The following EPC2 variants were observed in gnomAD, a reference collection of about 807,000 sequenced individuals.
The protein encoded by EPC2 is enhancer of polycomb homolog 2.
In EPC2, 14 loss-of-function variants were observed where a neutral mutation model predicts 92.1. That is an observed-to-expected ratio of 0.15 (90% confidence interval 0.10 to 0.24). EPC2 has a LOEUF of 0.24. Among genes scored for constraint, EPC2 ranks in the 10% least tolerant of loss-of-function variants. The probability of loss-of-function intolerance (pLI) is 1.00; values close to 1 mark genes in which losing one functional copy is unlikely to be tolerated. For synonymous variants in EPC2, 340 were observed against 334.7 expected (o/e 1.02, Z -0.17); for missense variants, 755 against 971.5 (o/e 0.78, Z 2.96).
At chr2:148,686,929 C>A (rs1337306842) in intron 1 of EPC2, among the ~76,000 whole-genome samples, 1 of 152,060 alleles carries the variant, frequency 6.6e-6, no homozygotes, top group Non-Finnish European at 1.5e-5. Flanking sequence ...CTGATTAGCC[C>A]CTAACAAGAG....
intron 5 of EPC2, 75 bp downstream of exon 5, chr2:148,762,005 A>AG: frequency 1.6e-6 from 2 of 1,239,428 alleles, no homozygotes; most frequent in Non-Finnish European, 1.1e-6. Flanking sequence ...AAAGATTTTT[A>AG]GGGGGGAACA....
intron 2 of EPC2, among the ~76,000 whole-genome samples, chr2:148,723,802 C>T (rs1415467586): frequency 6.6e-6 from 1 of 151,976 alleles, no homozygotes; most frequent in African/African-American, 2.4e-5. Context: ...GGTTGATATA[C>T]TTAAATTTCT....
At chr2:148,762,614 C>A in intron 5 of EPC2, 56 bp from the exon 6 acceptor site, 1 of 1,307,838 alleles carries the variant, frequency 7.6e-7, no homozygotes. Context: ...CACTTATTTT[C>A]CTTCTTTATT....
chr2:148,666,542 G>GAAA (rs1273052548), intron 1 of EPC2, among the ~76,000 whole-genome samples: 1 of 152,192 alleles, frequency 6.6e-6, no homozygotes, highest in Non-Finnish European at 1.5e-5. Flanking sequence ...GAAAATACAA[G>GAAA]TTCACACTTT....
At chr2:148,763,388 T>A (rs554428791) in intron 6 of EPC2, among the ~76,000 whole-genome samples, 2 of 152,270 alleles carry the variant, frequency 1.3e-5, no homozygotes, top group South Asian at 4.1e-4. Flanking sequence ...TATTTGGTCC[T>A]CACTTGGTAC....
intron 2 of EPC2, among the ~76,000 whole-genome samples, chr2:148,724,511 G>A (rs1296715079): frequency 6.6e-6 from 1 of 152,036 alleles, no homozygotes; most frequent in Admixed American, 6.6e-5. Context: ...TCACCTCAAT[G>A]AAAGCAAAAT....
Position 148,766,449 on chromosome 2 carries a change from T to C in EPC2, c.1140+1303T>C, listed in dbSNP as rs558701006. Among the ~76,000 whole-genome samples the C allele has an allele frequency of 5.3e-5, 8 of 152,368 alleles. No homozygotes were observed. The South Asian group carries it at 1.7e-3, about 32-fold the overall frequency. On this transcript the variant is annotated intron_variant, in intron 7 of 13. Coordinates refer to ENST00000258484, the MANE Select transcript of EPC2 (RefSeq NM_015630.4). ...AAGATATGCTTAATTTTATATTCCCTTCAGGAGCACTTAATGAACCCATAT... is the reference window on the plus strand; with the variant it reads ...AAGATATGCTTAATTTTATATTCCCCTCAGGAGCACTTAATGAACCCATAT...
rs750824217 is a variant in EPC2, at chr2:148,771,221, C to T, written c.1554C>T (p.Ser518=). The part of the protein sequence containing the change: ...ENRLSLSEIL[S]NIRSCRLQCF... ...GACTGTCTCTTTCTGAAATATTAAG[C>T]AATATCAGATCATGTCGACTACAGT... is the stretch of plus-strand genomic sequence containing the variant. Residue 518 remains serine, a synonymous_variant, in exon 10 of 14, where the codon AGC becomes AGT. Transcript: ENST00000258484. 12 of 1,613,756 alleles carry T rather than the reference C, an allele frequency of 7.4e-6. No homozygotes were observed. The African/African-American group carries it at 9.3e-5, about 13-fold the overall frequency.
intron 7 of EPC2, 39 bp downstream of exon 7, chr2:148,765,185 GT>G (rs1184847081): frequency 7.2e-7 from 1 of 1,384,582 alleles, no homozygotes; most frequent in African/African-American, 1.5e-5. Context: ...TTTCTTCTTA[GT>G]ATTTTATATT....
intron 1 of EPC2, among the ~76,000 whole-genome samples, chr2:148,646,579 C>CT (rs907284913): frequency 3.1e-4 from 40 of 130,414 alleles, no homozygotes; most frequent in East Asian, 4.6e-4. Context: ...GCTGTGAGAA[C>CT]TTTTTTTTTT....
At chr2:148,694,768 C>A (rs936680000) in intron 2 of EPC2, among the ~76,000 whole-genome samples, 2 of 152,104 alleles carry the variant, frequency 1.3e-5, no homozygotes, top group Non-Finnish European at 2.9e-5. Context: ...TTCTCCTCCC[C>A]CCGCCCAAAC....
chr2:148,762,538 T>A (rs1574628860), intron 5 of EPC2, 132 bp from the exon 6 acceptor site: 2 of 688,810 alleles, frequency 2.9e-6, no homozygotes, highest in East Asian at 6.2e-5. Flanking sequence ...CTGCAAATTT[T>A]ATCTTTTAAA....
intron 2 of EPC2, among the ~76,000 whole-genome samples, chr2:148,723,480 G>T (rs1468189711): frequency 6.6e-6 from 1 of 152,130 alleles, no homozygotes; most frequent in Admixed American, 6.5e-5. Flanking sequence ...TTTCAGGAGG[G>T]TTTCTGCTAG....
rs1681616578 is a variant in EPC2, at chr2:148,690,273, T to C, written c.213T>C (p.Ser71=). 11 of 1,611,372 alleles carry C rather than the reference T, an allele frequency of 6.8e-6. No individual in the cohort carries two copies. The highest frequency in any genetic ancestry group is 8.5e-6 in the Non-Finnish European group (10 of 1,179,208). The change falls in exon 2 of 14, where the codon AGT becomes AGC. Residue 71 remains serine, a synonymous_variant. Coordinates refer to ENST00000258484, the MANE Select transcript of EPC2 (RefSeq NM_015630.4). ...AAGTGTTTAGAGAAAAAAAAGAGAG[T>C]ATGGTCATTCCTGTTCCTGAGGCAG... The part of the protein sequence containing the change: ...AQQVFREKKE[S]MVIPVPEAES...
intron 1 of EPC2, among the ~76,000 whole-genome samples, chr2:148,673,824 G>C (rs1005918492): frequency 2.6e-5 from 4 of 152,282 alleles, no homozygotes; most frequent in Admixed American, 2.6e-4. Flanking sequence ...GACCTCAAGT[G>C]ATCTGCTGGC....
At chr2:148,693,980 C>CT (rs966512129) in intron 2 of EPC2, among the ~76,000 whole-genome samples, 3 of 151,912 alleles carry the variant, frequency 2.0e-5, no homozygotes, top group African/African-American at 7.3e-5. Flanking sequence ...AGAGAAGGGA[C>CT]TTTTTTTTCT....
chr2:148,714,458 T>A (rs1682216953), intron 2 of EPC2, among the ~76,000 whole-genome samples: 1 of 152,240 alleles, frequency 6.6e-6, no homozygotes. Context: ...AAATGGTATT[T>A]CTGCCTCTAG....
intron 1 of EPC2, among the ~76,000 whole-genome samples, chr2:148,660,533 A>G (rs746047747): frequency 2.7e-5 from 4 of 150,684 alleles, no homozygotes; most frequent in African/African-American, 4.9e-5. Flanking sequence ...ACTGTAATCT[A>G]TTCAGTTCCA....
chr2:148,682,447 G>T (rs927145267), intron 1 of EPC2, among the ~76,000 whole-genome samples: 1 of 152,158 alleles, frequency 6.6e-6, no homozygotes, highest in Non-Finnish European at 1.5e-5. Flanking sequence ...TTAATGAGTA[G>T]TGTTTTTGAC....
Sources: gnomAD v4.1 joint callset for allele counts (sites outside exome capture counted in the v4.1 genomes callset) on GRCh38, gnomAD v4.1.1 for gene constraint, MANE v1.5 for transcripts, NCBI Gene and HGNC (gene_info 2026-07-23, HGNC 2026-07-21) for gene names.